Variants in EHD1 observed in about 807,000 individuals in gnomAD.
The protein encoded by EHD1 is EH domain containing 1.
EHD1 carries 19 observed loss-of-function variants against 39.0 expected under a neutral mutation model. That is an observed-to-expected ratio of 0.49 (90% CI 0.34 to 0.72). The LOEUF (loss-of-function observed/expected upper bound fraction) is 0.72, where lower values mean the gene tolerates loss of function less well. Ranked by LOEUF, EHD1 falls within the 30% of genes least tolerant of loss-of-function variation. The pLI is 0.01. For missense variants in EHD1, 542 were observed against 751.5 expected (o/e 0.72, Z 3.26); for synonymous variants, 323 against 331.2 (o/e 0.98, Z 0.27).
chr11:64,877,647 G>A (rs622611), intron 1 of EHD1, among the ~76,000 whole-genome samples: 117,104 of 151,822 alleles, frequency 0.77, 47,203 homozygotes, highest in Non-Finnish European at 0.89. Flanking sequence ...ATTGTGTTTT[G>A]CTATTGACAC....
At chr11:64,878,732 C>T (rs1450418395), upstream of EHD1, 3 of 1,313,760 alleles carry the variant, frequency 2.3e-6, no homozygotes, top group South Asian at 2.1e-5. Context: ...GAGCCCCTCC[C>T]AGCCCCGCCC....
In EHD1 at chr11:64,860,091, C is replaced by T. The variant is rs1943697178; in HGVS notation, c.748G>A (p.Val250Ile). ...LGKIINTPEV[V>I]RVYIGSFWSH... ...CAGAAGGAGCCGATGTAGACCCTGA[C>T]CACCTCGGGGGTGTTGATGATCTTG... Residue 250 changes from valine (V) to isoleucine (I), a missense_variant, in exon 3 of 5, where the codon GTC becomes ATC. Coordinates refer to ENST00000320631, the MANE Select transcript of EHD1 (RefSeq NM_006795.4). The T allele has an allele frequency of 3.1e-6, 5 of 1,614,164 alleles. No individual in the cohort carries two copies. In the East Asian group the frequency reaches 1.1e-4, roughly 36 times the overall value.
intron 3 of EHD1, among the ~76,000 whole-genome samples, chr11:64,857,372 C>T (rs1246729999): frequency 5.9e-5 from 9 of 151,968 alleles, no homozygotes; most frequent in Middle Eastern, 3.4e-3. Context: ...TGCAGTGAGC[C>T]GAGATTGCGC....
At chr11:64,875,505 T>C (rs1246478941) in intron 1 of EHD1, 1 of 152,190 alleles carries the variant, frequency 6.6e-6, no homozygotes, top group African/African-American at 2.4e-5. Context: ...GAGCCGAAAT[T>C]GTGCGCCACT....
intron 2 of EHD1, among the ~76,000 whole-genome samples, chr11:64,864,363 C>T (rs976845402): frequency 6.6e-6 from 1 of 152,274 alleles, no homozygotes. Flanking sequence ...GCTCCTGCTT[C>T]CAAAGTACAA....
At chr11:64,879,163 TG>T, upstream of EHD1, 4 of 1,029,994 alleles carry the variant, frequency 3.9e-6, no homozygotes, top group Non-Finnish European at 4.7e-6. Flanking sequence ...TTATCTGCTT[TG>T]GGAGAGGGAG....
At chr11:64,878,918 C>T (rs1244391745), upstream of EHD1, 15 of 1,024,824 alleles carry the variant, frequency 1.5e-5, no homozygotes, top group African/African-American at 1.7e-5. Flanking sequence ...CGGAGACGGC[C>T]TCTGGGCCGC....
intron 1 of EHD1, among the ~76,000 whole-genome samples, chr11:64,876,115 C>A (rs1463607183): frequency 1.3e-5 from 2 of 152,220 alleles, no homozygotes; most frequent in Non-Finnish European, 2.9e-5. Context: ...AAGTGGCAGT[C>A]CCAGTTATGC....
chr11:64,858,616 C>T (rs895395938), intron 3 of EHD1, among the ~76,000 whole-genome samples: 2 of 152,258 alleles, frequency 1.3e-5, no homozygotes, highest in African/African-American at 4.8e-5. Flanking sequence ...ACACTCCTGT[C>T]CACGGGGTCA....
chr11:64,874,581 A>G (rs1278730430), intron 1 of EHD1, 63 bp from the exon 2 acceptor site: 1 of 1,333,946 alleles, frequency 7.5e-7, no homozygotes, highest in African/African-American at 1.5e-5. Context: ...TCCGGACACA[A>G]CAAAGGGCTC....
chr11:64,877,638 T>C (rs1344448664), intron 1 of EHD1, among the ~76,000 whole-genome samples: 1 of 152,080 alleles, frequency 6.6e-6, no homozygotes, highest in Non-Finnish European at 1.5e-5. Flanking sequence ...AAAAGTTTCA[T>C]TGTGTTTTGC....
chr11:64,854,930 T>G (rs1247234255), intron 4 of EHD1, 73 bp from the exon 5 acceptor site: 28 of 1,545,814 alleles, frequency 1.8e-5, no homozygotes, highest in South Asian at 3.6e-5. Context: ...GTGGTTCCAG[T>G]CAGGGCTTCA....
At chr11:64,864,140 A>G (rs2136486361) in intron 2 of EHD1, among the ~76,000 whole-genome samples, 1 of 152,308 alleles carries the variant, frequency 6.6e-6, no homozygotes, top group East Asian at 1.9e-4. Flanking sequence ...AACAGGAAAT[A>G]GGGCACTCTG....
intron 3 of EHD1, 74 bp from the exon 4 acceptor site, chr11:64,855,560 T>G: frequency 6.3e-7 from 1 of 1,590,520 alleles, no homozygotes; most frequent in Non-Finnish European, 8.5e-7. Flanking sequence ...CCAAGGACAC[T>G]CCAAGGATAC....
intron 2 of EHD1, among the ~76,000 whole-genome samples, chr11:64,872,960 C>A (rs899267544): frequency 1.3e-5 from 2 of 152,358 alleles, no homozygotes; most frequent in East Asian, 3.9e-4. Flanking sequence ...AACTTGCTCA[C>A]TTGTCCTCAA....
intron 2 of EHD1, among the ~76,000 whole-genome samples, chr11:64,869,172 A>G (rs749972813): frequency 6.6e-6 from 1 of 152,256 alleles, no homozygotes; most frequent in Non-Finnish European, 1.5e-5. Context: ...GCGCTCGGCC[A>G]GCTGCTCCCC....
Position 64,853,424 on chromosome 11 carries a change from G to A in EHD1, c.*909C>T, listed in dbSNP as rs1190991516. 1 of 152,282 alleles carries A rather than the reference G, an allele frequency of 6.6e-6. No homozygotes were observed. The highest frequency in any genetic ancestry group is 1.5e-5 in the Non-Finnish European group (1 of 68,070). 9.4% of individuals were successfully genotyped at this position (152,282 alleles called of 1,614,324 possible). On this transcript the variant is annotated 3_prime_UTR_variant, in exon 5 of 5. Coordinates refer to ENST00000320631, the MANE Select transcript of EHD1 (RefSeq NM_006795.4). ...CCAGTTAAGTGAGAGGGTAGGGCAG[G>A]AGCTGGGATGACCACCCTTCCTCAG...
rs1222656481 is a variant in EHD1, at chr11:64,868,692, C to T, written c.502+5729G>A. On this transcript the variant is annotated intron_variant, in intron 2 of 4. Transcript: ENST00000320631. The surrounding 1 kb of genome is among the most constrained non-coding windows in gnomAD (Gnocchi z 4.2). ...TATGAGGGGCACGGGAACTTTCAGG[C>T]GATGGGAATACTCTCTGTCATGGTG... 6.6e-6 allele frequency among the ~76,000 whole-genome samples: 1 copy of T among 152,184 alleles called. No homozygotes were observed. Among genetic ancestry groups the T allele is most frequent in the Non-Finnish European group, 1.5e-5 (1 of 68,042 alleles).
intron 2 of EHD1, among the ~76,000 whole-genome samples, chr11:64,864,160 AG>A (rs1943744187): frequency 6.6e-6 from 1 of 152,204 alleles, no homozygotes; most frequent in South Asian, 2.1e-4. Flanking sequence ...GACCAGAAGC[AG>A]CCCCGAGGGC....
Sources: allele counts gnomAD v4.1 joint callset (sites outside exome capture counted in the v4.1 genomes callset), GRCh38; gene constraint gnomAD v4.1.1; non-coding constraint Gnocchi (gnomAD v3.1); transcripts MANE v1.5; gene names NCBI Gene and HGNC (gene_info 2026-07-23, HGNC 2026-07-21).